MLXIP: variants seen among roughly 807,000 people sequenced by gnomAD.
MLXIP encodes the protein MLX-interacting protein.
A neutral mutation model predicts 87.2 loss-of-function variants in MLXIP; 30 were observed. The observed-to-expected ratio is 0.34, with a 90% confidence interval of 0.26 to 0.47. MLXIP has a LOEUF of 0.47. MLXIP is among the 20% of genes least tolerant of loss of function. MLXIP has a pLI of 1.00. For missense variants in MLXIP, 1,002 were observed against 1,240.1 expected, an observed-to-expected ratio of 0.81 and a Z score of 2.88; for synonymous variants, 530 against 514.0, an observed-to-expected ratio of 1.03 and a Z score of -0.42.
At position 122,130,112 on chromosome 12, in the gene MLXIP, G is replaced by C; in HGVS notation, c.910G>C (p.Ala304Pro). The C allele has an allele frequency of 1.2e-6, 2 of 1,612,914 alleles. No individual in the cohort carries two copies. The highest frequency in any genetic ancestry group is 4.5e-5 in the East Asian group (2 of 44,838). The change falls in exon 6 of 17, where the codon GCA becomes CCA. Residue 304 changes from alanine (A) to proline (P), a missense_variant and splice_region_variant. This residue lies in a region of MLXIP where 746 missense variants were observed against 897.0 expected (regional missense o/e 0.83). Coordinates refer to ENST00000319080, the MANE Select transcript of MLXIP (RefSeq NM_014938.6). ...GGCCTGGCCCAATCCCCGGGAAATA[G>C]GTAACCCAAACCAGGGCCTTGGGCT... ...PVAWPNPREI[A>P]HLGNADMIQP...
rs1010528540 is a variant in MLXIP at position 122,135,783 on chromosome 12, A to G, written c.2032+117A>G. On this transcript the variant is annotated intron_variant, in intron 11 of 16. Coordinates refer to ENST00000319080, the MANE Select transcript of MLXIP (RefSeq NM_014938.6). This position sits in a 1 kb window ranked among gnomAD's most constrained non-coding sequence, Gnocchi z 5.3. Reference sequence around the variant, plus strand: ...GACGGAGCCTGGGCTTAGGACACACAGTGAGGTCTTGTAGGCCTGCTGATA... The same window carrying G: ...GACGGAGCCTGGGCTTAGGACACACGGTGAGGTCTTGTAGGCCTGCTGATA... The G allele has an allele frequency of 1.8e-5, 22 of 1,242,672 alleles. No homozygotes were observed. The highest frequency in any genetic ancestry group is 2.4e-5 in the Non-Finnish European group (22 of 931,332). 77.0% of individuals were successfully genotyped at this position (1,242,672 alleles called of 1,614,324 possible).
At chr12:122,127,185 G>T (rs1593103860) in intron 1 of MLXIP, 71 bp from the exon 2 acceptor site, 1 of 1,206,698 alleles carries the variant, frequency 8.3e-7, no homozygotes, top group South Asian at 1.3e-5. Context: ...GGAATGATCG[G>T]GTGGCACTTT....
intron 7 of MLXIP, among the ~76,000 whole-genome samples, chr12:122,131,783 C>T (rs1296602443): frequency 6.6e-6 from 1 of 151,984 alleles, no homozygotes; most frequent in Non-Finnish European, 1.5e-5. Flanking sequence ...CGCTGGAGTG[C>T]AGTGGCAAGA....
intron 11 of MLXIP, chr12:122,136,215 C>T (rs951928899): frequency 6.5e-6 from 1 of 153,136 alleles, no homozygotes; most frequent in Non-Finnish European, 1.5e-5. Flanking sequence ...AATGGTGTGC[C>T]CGAGGCTGTG....
At position 122,142,049 on chromosome 12, in the gene MLXIP, A is replaced by C; in HGVS notation, c.*237A>C. 1.5e-6 allele frequency: 1 copy of C among 672,806 alleles called. No individual in the cohort carries two copies. The highest frequency in any genetic ancestry group is 1.7e-5 in the South Asian group (1 of 58,486). 41.7% of individuals were successfully genotyped at this position (672,806 alleles called of 1,614,324 possible). On this transcript the variant is annotated 3_prime_UTR_variant, in exon 17 of 17. Transcript: ENST00000319080. ...GTGAACTCTCTCACTCAGTGACCTC[A>C]GTCACCAACCTCCTCTGCCCTCGGG... is the stretch of plus-strand genomic sequence containing the variant.
chr12:122,130,265 A>G, intron 6 of MLXIP, 153 bp downstream of exon 6: 3 of 338,712 alleles, frequency 8.9e-6, no homozygotes, highest in Non-Finnish European at 1.3e-5. Context: ...GGCTGGCCTC[A>G]TTTGACATCC....
rs1474589157 is a variant in MLXIP at position 122,103,733 on chromosome 12, C to T, written c.414-23523C>T. ...TTTAGTAGAGACAGGGTTTCACCAT[C>T]TTGGTCAGGCTCGTCTTGAACTCCT... is the stretch of plus-strand genomic sequence containing the variant. On this transcript the variant is annotated intron_variant, in intron 1 of 16. Coordinates refer to ENST00000319080, the MANE Select transcript of MLXIP (RefSeq NM_014938.6). Among the ~76,000 whole-genome samples the T allele has an allele frequency of 4.7e-4, 69 of 147,160 alleles. 1 individual carries two copies. The highest frequency in any genetic ancestry group is 1.6e-3 in the African/African-American group (62 of 39,944).
intron 1 of MLXIP, among the ~76,000 whole-genome samples, chr12:122,088,858 G>A (rs1358050627): frequency 6.6e-6 from 1 of 152,022 alleles, no homozygotes; most frequent in Non-Finnish European, 1.5e-5. Flanking sequence ...TATTCACCCA[G>A]TATTCTAGCT....
chr12:122,127,903 C>T lies in MLXIP; in HGVS notation c.541C>T (p.Pro181Ser). The change falls in exon 3 of 17, where the codon CCT becomes TCT. Residue 181 changes from proline (P) to serine (S), a missense_variant. This residue lies in a region of MLXIP where 127 missense variants were observed against 239.0 expected (regional missense o/e 0.53). Coordinates refer to ENST00000319080, the MANE Select transcript of MLXIP (RefSeq NM_014938.6). ...YMQYLEKRKN[P>S]VCHFVTPLDG... ...CTCAGATCTGGAGAAGCGCAAGAAT[C>T]CTGTGTGCCACTTTGTGACACCCCT... The T allele has an allele frequency of 6.2e-7, 1 of 1,613,808 alleles. No homozygotes were observed. The highest frequency in any genetic ancestry group is 1.1e-5 in the South Asian group (1 of 91,068).
intron 6 of MLXIP, among the ~76,000 whole-genome samples, chr12:122,130,443 G>T (rs539846842): frequency 6.6e-6 from 1 of 151,566 alleles, no homozygotes; most frequent in African/African-American, 2.4e-5. Context: ...AAGCCGAGGC[G>T]GCCGGGCCGT....
intron 14 of MLXIP, 55 bp from the exon 15 acceptor site, chr12:122,138,760 G>C: frequency 6.3e-7 from 1 of 1,595,560 alleles, no homozygotes; most frequent in South Asian, 1.1e-5. Context: ...TTTTGTCCCA[G>C]GGTCCTTATT....
intron 4 of MLXIP, 130 bp from the exon 5 acceptor site, chr12:122,129,458 T>C (rs1952935893): frequency 9.0e-7 from 1 of 1,109,158 alleles, no homozygotes. Flanking sequence ...GTCTCCTTTG[T>C]GCAGGCATCG....
rs530166584 is a variant in MLXIP, at chr12:122,141,949, G to C, written c.*137G>C. The C allele has an allele frequency of 5.9e-6, 8 of 1,345,262 alleles. No individual in the cohort carries two copies. The African/African-American group carries it at 1.2e-4, about 19-fold the overall frequency. The allele number at this position is 1,345,262 out of a possible 1,614,324, so 83.3% of individuals were successfully genotyped here. On this transcript the variant is annotated 3_prime_UTR_variant, in exon 17 of 17. Transcript: ENST00000319080. ...AACTCTGCCGGCCCACCGTGGCATC[G>C]GGAGGCCATGCTCAGGTCTGAAGCA...
chr12:122,113,423 A>C (rs1952634305), intron 1 of MLXIP, among the ~76,000 whole-genome samples: 1 of 151,870 alleles, frequency 6.6e-6, no homozygotes, highest in Admixed American at 6.6e-5. Context: ...ATGTACCACC[A>C]CACCTGGCTA....
intron 1 of MLXIP, among the ~76,000 whole-genome samples, chr12:122,101,801 G>A (rs1426527842): frequency 2.0e-5 from 3 of 151,946 alleles, no homozygotes; most frequent in Non-Finnish European, 2.9e-5. Context: ...GGCTGGTCTC[G>A]AACTCCTGAC....
chr12:122,088,952 G>A (rs1243981133), intron 1 of MLXIP, among the ~76,000 whole-genome samples: 2 of 146,712 alleles, frequency 1.4e-5, no homozygotes, highest in African/African-American at 2.6e-5. Flanking sequence ...CGGGAGGACT[G>A]CCTGAGCCCA....
In MLXIP at chr12:122,142,333, C is replaced by T. The variant is rs145660194; in HGVS notation, c.*521C>T. ...CCCTCAACTCTGACAGCACCCAGCCCTTGTGGATGGACTTGGGCTTCTATT... is the reference window on the plus strand; with the variant it reads ...CCCTCAACTCTGACAGCACCCAGCCTTTGTGGATGGACTTGGGCTTCTATT... On this transcript the variant is annotated 3_prime_UTR_variant, in exon 17 of 17. Coordinates refer to ENST00000319080, the MANE Select transcript of MLXIP (RefSeq NM_014938.6). The T allele has an allele frequency of 4.8e-6, 3 of 623,862 alleles. No homozygotes were observed. The highest frequency in any genetic ancestry group is 4.2e-5 in the Admixed American group (2 of 47,460). The allele number at this position is 623,862 out of a possible 1,614,324, so 38.6% of individuals were successfully genotyped here. A position where few individuals can be genotyped will look rare whatever the true frequency, so the allele number is the denominator to read the frequency against.
At chr12:122,140,842 G>A in intron 15 of MLXIP, 112 bp from the exon 16 acceptor site, 1 of 1,511,192 alleles carries the variant, frequency 6.6e-7, no homozygotes, top group Non-Finnish European at 9.2e-7. Flanking sequence ...CATTCTCTGT[G>A]GGCAGATACT....
In MLXIP at chr12:122,097,854, C is replaced by G. The variant is rs1342766602; in HGVS notation, c.413+18588C>G. Among the ~76,000 whole-genome samples the G allele has an allele frequency of 2.0e-5, 3 of 151,892 alleles. No individual in the cohort carries two copies. In the East Asian group the frequency reaches 5.9e-4, roughly 30 times the overall value. On this transcript the variant is annotated intron_variant, in intron 1 of 16. Coordinates refer to ENST00000319080, the MANE Select transcript of MLXIP (RefSeq NM_014938.6). The stretch of plus-strand genomic sequence containing the variant: ...TTTTGGAATCCATGGGTTCCCCCTC[C>G]CCACAAGAAACCTTGGCAGAAGGCT...
Sources: allele counts gnomAD v4.1 joint callset (sites outside exome capture counted in the v4.1 genomes callset), GRCh38; gene constraint gnomAD v4.1.1; regional missense constraint gnomAD v4.1.1; non-coding constraint Gnocchi (gnomAD v3.1); transcripts MANE v1.5; gene names NCBI Gene and HGNC (gene_info 2026-07-23, HGNC 2026-07-21).